SIK3: variants seen among roughly 807,000 people sequenced by gnomAD.
The protein encoded by SIK3 is serine/threonine-protein kinase SIK3.
SIK3 carries 28 observed loss-of-function variants against 144.2 expected under a neutral mutation model. The ratio of observed to expected loss-of-function variants is 0.19; its 90% confidence interval spans 0.14 to 0.27. SIK3 has a LOEUF of 0.27. Ranked by LOEUF, SIK3 falls within the 10% of genes least tolerant of loss-of-function variation. The pLI is 1.00. For missense variants in SIK3, 1,319 were observed against 1,776.0 expected (o/e 0.74, Z 4.62); for synonymous variants, 686 against 676.3 (o/e 1.01, Z -0.22).
intron 1 of SIK3, among the ~76,000 whole-genome samples, chr11:117,005,901 T>C (rs1349753010): frequency 6.6e-6 from 1 of 151,872 alleles, no homozygotes; most frequent in African/African-American, 2.4e-5. Context: ...CAGTTATTAG[T>C]GAACAGAAGA....
At position 116,846,762 on chromosome 11, in the gene SIK3, T is replaced by C. The variant is rs1941997433; in HGVS notation, c.3953-209A>G. On this transcript the variant is annotated intron_variant, in intron 23 of 24. Transcript: ENST00000445177. The surrounding 1 kb of genome is among the most constrained non-coding windows in gnomAD (Gnocchi z 4.1). ...TTCCTATATTCTCCTCTACCTGTTC[T>C]GCTTTTTTCCCTTTTCCTTTACCCT... is the stretch of plus-strand genomic sequence containing the variant. Among the ~76,000 whole-genome samples, 1 of 152,236 alleles carries C rather than the reference T, an allele frequency of 6.6e-6. No individual in the cohort carries two copies. Among genetic ancestry groups the C allele is most frequent in the African/African-American group, 2.4e-5 (1 of 41,464 alleles).
At chr11:117,023,622 ATATAT>A (rs1349510407) in intron 1 of SIK3, among the ~76,000 whole-genome samples, 1,028 of 73,672 alleles carry the variant, frequency 0.014, 15 homozygotes, top group African/African-American at 0.04. Context: ...AAAAAAAAAA[ATATAT>A]ATATATATAT....
chr11:116,988,436 A>T (rs1216351457), intron 1 of SIK3, among the ~76,000 whole-genome samples: 1 of 152,058 alleles, frequency 6.6e-6, no homozygotes, highest in Non-Finnish European at 1.5e-5. Flanking sequence ...GATAATTTTT[A>T]AAAGAACACA....
chr11:117,035,687 T>C, intron 1 of SIK3: 3 of 739,552 alleles, frequency 4.1e-6, no homozygotes, highest in Non-Finnish European at 6.8e-6. Context: ...CCAGAGTAGC[T>C]GGGACTACAG....
chr11:116,856,349 A>AG (rs1191886217), intron 21 of SIK3, among the ~76,000 whole-genome samples: 3 of 152,196 alleles, frequency 2.0e-5, no homozygotes, highest in African/African-American at 7.2e-5. Context: ...CAGGCTGCTA[A>AG]GGCAGCCTGT....
At chr11:117,018,314 T>C (rs1951621728) in intron 1 of SIK3, among the ~76,000 whole-genome samples, 1 of 152,194 alleles carries the variant, frequency 6.6e-6, no homozygotes, top group Non-Finnish European at 1.5e-5. Context: ...AGCATTGGGA[T>C]GAAAACAAAT....
intron 4 of SIK3, among the ~76,000 whole-genome samples, chr11:116,898,375 T>G (rs1233118898): frequency 1.3e-5 from 2 of 152,030 alleles, no homozygotes; most frequent in African/African-American, 4.8e-5. Flanking sequence ...AGTCTATCAT[T>G]GTTGGACATT....
chr11:117,017,102 AAAG>A (rs1951571960), intron 1 of SIK3, among the ~76,000 whole-genome samples: 2 of 152,346 alleles, frequency 1.3e-5, no homozygotes, highest in South Asian at 4.1e-4. Context: ...AAAGAAAAGC[AAAG>A]AATTAGCTGA....
At chr11:117,066,862 AG>A (rs770618396) in intron 1 of SIK3, among the ~76,000 whole-genome samples, 4 of 152,174 alleles carry the variant, frequency 2.6e-5, no homozygotes, top group Non-Finnish European at 4.4e-5. Context: ...AATGAGCAAA[AG>A]ATCTGAACAA....
At chr11:116,901,512 T>G (rs1227969001) in intron 4 of SIK3, among the ~76,000 whole-genome samples, 1 of 152,222 alleles carries the variant, frequency 6.6e-6, no homozygotes, top group African/African-American at 2.4e-5. Flanking sequence ...TATGAGAAGA[T>G]GAATACTCTC....
chr11:117,059,938 T>C lies in SIK3; in HGVS notation c.273+38205A>G, dbSNP rs1266702500. Among the ~76,000 whole-genome samples the C allele has an allele frequency of 2.6e-5, 4 of 152,196 alleles. No individual in the cohort carries two copies. In the East Asian group the frequency reaches 5.8e-4, roughly 22 times the overall value. Reference sequence around the variant, plus strand: ...ATAGTACAGCCACTTTGTAAGACAGTTTGGCAGTTTCTAGAAAACTAAACA... The same window carrying C: ...ATAGTACAGCCACTTTGTAAGACAGCTTGGCAGTTTCTAGAAAACTAAACA... On this transcript the variant is annotated intron_variant, in intron 1 of 24. Transcript: ENST00000445177.
chr11:117,020,704 A>G (rs1411295820), intron 1 of SIK3, among the ~76,000 whole-genome samples: 1 of 152,092 alleles, frequency 6.6e-6, no homozygotes, highest in African/African-American at 2.4e-5. Context: ...AGGGTGAGGC[A>G]CCCCAGCTCT....
intron 3 of SIK3, among the ~76,000 whole-genome samples, chr11:116,928,187 T>C (rs1947388379): frequency 6.6e-6 from 1 of 152,242 alleles, no homozygotes; most frequent in Non-Finnish European, 1.5e-5. Flanking sequence ...AATGATTTGA[T>C]GGATTAGCAG....
intron 2 of SIK3, among the ~76,000 whole-genome samples, 194 bp from the exon 3 acceptor site, chr11:116,954,301 T>C (rs1949059225): frequency 6.6e-6 from 1 of 152,330 alleles, no homozygotes; most frequent in African/African-American, 2.4e-5. Context: ...TCCTCCAAGT[T>C]CTTAAAAGTA....
At chr11:116,992,198 G>A (rs551957866) in intron 1 of SIK3, among the ~76,000 whole-genome samples, 2 of 151,556 alleles carry the variant, frequency 1.3e-5, no homozygotes, top group African/African-American at 4.8e-5. Context: ...GGTGGTGGGC[G>A]CCTATAATCC....
At chr11:116,891,782 G>T (rs1299844945) in intron 6 of SIK3, among the ~76,000 whole-genome samples, 1 of 152,102 alleles carries the variant, frequency 6.6e-6, no homozygotes, top group South Asian at 2.1e-4. Context: ...TAGATTAGAG[G>T]GGGACAAGAC....
chr11:117,038,845 A>T (rs1381773971), intron 1 of SIK3, among the ~76,000 whole-genome samples: 2 of 151,600 alleles, frequency 1.3e-5, no homozygotes, highest in Non-Finnish European at 2.9e-5. Context: ...AGGTCAGGAG[A>T]TCAAGACCAT....
chr11:117,079,917 C>G (rs769419335), intron 1 of SIK3, among the ~76,000 whole-genome samples: 105 of 152,080 alleles, frequency 6.9e-4, no homozygotes, highest in Non-Finnish European at 1.4e-3. Flanking sequence ...GCCTGTAATC[C>G]CAGCATTTTG....
intron 1 of SIK3, among the ~76,000 whole-genome samples, chr11:117,042,125 C>T (rs374989463): frequency 2.4e-4 from 36 of 152,216 alleles, no homozygotes; most frequent in East Asian, 2.1e-3. Context: ...TAACTGACTT[C>T]GAGGGTTACA....
Sources: gnomAD v4.1 joint callset for allele counts (sites outside exome capture counted in the v4.1 genomes callset) on GRCh38, gnomAD v4.1.1 for gene constraint, Gnocchi (gnomAD v3.1) non-coding constraint, MANE v1.5 for transcripts, NCBI Gene and HGNC (gene_info 2026-07-23, HGNC 2026-07-21) for gene names.